Variants in ZNF518A observed in about 807,000 individuals in gnomAD.
ZNF518A encodes zinc finger protein 518.
Under a neutral mutation model 102.7 loss-of-function variants are expected in ZNF518A, and 47 were observed. That is an observed-to-expected ratio of 0.46 (90% CI 0.36 to 0.58). The LOEUF (loss-of-function observed/expected upper bound fraction) is 0.58, where lower values mean the gene tolerates loss of function less well. Ranked by LOEUF, ZNF518A falls within the 20% of genes least tolerant of loss-of-function variation. ZNF518A has a pLI of 0.00. For missense variants in ZNF518A, 1,793 were observed against 1,699.8 expected (o/e 1.05, Z -0.96); for synonymous variants, 652 against 594.6 (o/e 1.10, Z -1.40).
At chr10:96,171,740 A>C (rs2083175284) in intron 1 of ZNF518A, among the ~76,000 whole-genome samples, 2 of 152,134 alleles carry the variant, frequency 1.3e-5, no homozygotes, top group East Asian at 1.9e-4. Context: ...TGTAATGAAA[A>C]ATTTTTTAAG....
At chr10:96,167,474 G>C (rs1167935252), downstream of ZNF518A, among the ~76,000 whole-genome samples, 1 of 152,010 alleles carries the variant, frequency 6.6e-6, no homozygotes, top group Non-Finnish European at 1.5e-5. Context: ...TAAACCCAAA[G>C]AACTAAAGGA....
intron 1 of ZNF518A, among the ~76,000 whole-genome samples, chr10:96,174,553 C>T (rs1205078208): frequency 1.3e-5 from 2 of 151,982 alleles, no homozygotes; most frequent in African/African-American, 4.8e-5. Context: ...AGTTATATGA[C>T]CTAGATGAAA....
intron 1 of ZNF518A, chr10:96,197,132 C>T: frequency 3.0e-6 from 4 of 1,322,632 alleles, no homozygotes; most frequent in Non-Finnish European, 4.2e-6. Context: ...TTCAAAAAAT[C>T]ATTTTGTGAA....
rs2083074104 is a variant in ZNF518A, at chr10:96,163,442, T to A, written c.*2668T>A. 1 of 158,742 alleles carries A rather than the reference T, an allele frequency of 6.3e-6. No individual in the cohort carries two copies. The highest frequency in any genetic ancestry group is 2.4e-5 in the African/African-American group (1 of 41,260). 9.8% of individuals were successfully genotyped at this position (158,742 alleles called of 1,614,324 possible). ...GAATTTCTGTGTGAGGAATTTGTTT[T>A]ATTTTTTCTAGTTTGTCCATCTCCA... On this transcript the variant is annotated 3_prime_UTR_variant, in exon 6 of 6. Coordinates refer to ENST00000316045, the MANE Select transcript of ZNF518A (RefSeq NM_001330736.2).
chr10:96,155,425 C>T (rs11188634), intron 4 of ZNF518A, 49 bp downstream of exon 4: 46,589 of 152,048 alleles, frequency 0.31, 8,249 homozygotes, highest in East Asian at 0.66. Flanking sequence ...ATGTTCTAAT[C>T]TGCCAAGGGC....
chr10:96,136,815 T>TA (rs2081619934), intron 3 of ZNF518A, among the ~76,000 whole-genome samples: 3 of 152,228 alleles, frequency 2.0e-5, no homozygotes, highest in Non-Finnish European at 2.9e-5. Flanking sequence ...CTTGCCTACC[T>TA]TCTTTCCTCA....
chr10:96,198,153 G>A (rs944586776), intron 1 of ZNF518A, among the ~76,000 whole-genome samples: 18 of 152,006 alleles, frequency 1.2e-4, no homozygotes, highest in African/African-American at 3.9e-4. Context: ...TCCAAGGGAC[G>A]AGAGCTTCAA....
intron 1 of ZNF518A, among the ~76,000 whole-genome samples, chr10:96,131,499 G>C (rs2081336031): frequency 6.6e-6 from 1 of 152,116 alleles, no homozygotes; most frequent in Admixed American, 6.6e-5. Flanking sequence ...TCCTGGGGAA[G>C]GTAAGCATAG....
At chr10:96,136,429 G>A (rs1405685153) in intron 3 of ZNF518A, among the ~76,000 whole-genome samples, 4 of 149,906 alleles carry the variant, frequency 2.7e-5, no homozygotes, top group African/African-American at 9.8e-5. Context: ...CCCTTTTTGA[G>A]AGATCTCTTA....
At chr10:96,180,185 T>A (rs1426088126) in intron 1 of ZNF518A, among the ~76,000 whole-genome samples, 35 of 66,702 alleles carry the variant, frequency 5.2e-4, no homozygotes, top group Non-Finnish European at 9.9e-4. Context: ...AGCCTCTTTT[T>A]TTTTTTTTTT....
chr10:96,153,771 C>G (rs782340576), intron 3 of ZNF518A, among the ~76,000 whole-genome samples: 1 of 152,116 alleles, frequency 6.6e-6, no homozygotes, highest in Non-Finnish European at 1.5e-5. Flanking sequence ...TCGAGTAGCA[C>G]AGAAGAGGTG....
chr10:96,148,018 T>A (rs1399656261), intron 3 of ZNF518A, among the ~76,000 whole-genome samples: 1 of 152,224 alleles, frequency 6.6e-6, no homozygotes, highest in Admixed American at 6.5e-5. Flanking sequence ...CTTTACCTTA[T>A]AGCCCTTCTG....
At chr10:96,177,064 G>A (rs2083209307) in intron 1 of ZNF518A, among the ~76,000 whole-genome samples, 1 of 124,908 alleles carries the variant, frequency 8.0e-6, no homozygotes, top group Non-Finnish European at 1.7e-5. Context: ...GGGCAACAGA[G>A]TGAGTCTCTG....
chr10:96,163,887 C>T (rs1170861760), downstream of ZNF518A: 1 of 165,626 alleles, frequency 6.0e-6, no homozygotes, highest in African/African-American at 2.4e-5. Flanking sequence ...TGATGTACCT[C>T]ACCTGTGTAA....
chr10:96,194,768 A>ATTTTTTTT (rs71034364), intron 1 of ZNF518A, among the ~76,000 whole-genome samples: 3,201 of 110,114 alleles, frequency 0.029, 169 homozygotes, highest in Middle Eastern at 0.073. Flanking sequence ...AGAAATGCAA[A>ATTTTTTTT]TTTTTTTTTT....
chr10:96,142,465 G>A (rs983426948), intron 3 of ZNF518A, among the ~76,000 whole-genome samples: 1 of 152,046 alleles, frequency 6.6e-6, no homozygotes, highest in African/African-American at 2.4e-5. Context: ...TGTTTTGCCT[G>A]TATCTGCAGA....
chr10:96,156,856 A>C lies in ZNF518A; in HGVS notation c.534A>C (p.Lys178Asn). ...HRRTHRSTLV[K>N]CDICNNESVY... ...GAACCCATAGAAGCACTTTAGTAAA[A>C]TGTGACATTTGTAACAATGAGAGTG... The change falls in exon 6 of 6, where the codon AAA (lysine) becomes AAC (asparagine). Residue 178 changes from lysine (K) to asparagine (N), a missense_variant. Lys to Asn is a moderately conservative substitution (Grantham distance 94). Around this residue, in one of 3 missense-constraint regions of ZNF518A, gnomAD observed 1,741 missense variants for 1,622.6 expected, o/e 1.07. Coordinates refer to ENST00000316045, the MANE Select transcript of ZNF518A (RefSeq NM_001330736.2). 6.2e-7 allele frequency: 1 copy of C among 1,613,870 alleles called. No individual in the cohort carries two copies. The highest frequency in any genetic ancestry group is 1.7e-5 in the Admixed American group (1 of 60,020).
chr10:96,166,412 A>G (rs1390625790), downstream of ZNF518A, among the ~76,000 whole-genome samples: 1 of 152,206 alleles, frequency 6.6e-6, no homozygotes, highest in South Asian at 2.1e-4. Context: ...CAGTAGAGCA[A>G]TCAGTAACAG....
downstream of ZNF518A, chr10:96,204,870 T>C: frequency 2.3e-6 from 1 of 443,850 alleles, no homozygotes; most frequent in Non-Finnish European, 4.2e-6. Flanking sequence ...GCAATGTACA[T>C]AGAGACTGAA....
Sources: allele counts gnomAD v4.1 joint callset (sites outside exome capture counted in the v4.1 genomes callset), GRCh38; gene constraint gnomAD v4.1.1; regional missense constraint gnomAD v4.1.1; transcripts MANE v1.5; gene names NCBI Gene and HGNC (gene_info 2026-07-23, HGNC 2026-07-21).